SLC4A10: variants seen among roughly 807,000 people sequenced by gnomAD.
SLC4A10 encodes solute carrier family 4 member 10, also known as sodium-driven chloride bicarbonate exchanger.
SLC4A10 carries 42 observed loss-of-function variants against 137.7 expected under a neutral mutation model. That is an observed-to-expected ratio of 0.30 (90% CI 0.24 to 0.39). The LOEUF is 0.39. Among genes scored for constraint, SLC4A10 ranks in the 10% least tolerant of loss-of-function variants. The pLI, the probability that SLC4A10 is intolerant of heterozygous loss-of-function variation, is 1.00. For missense variants in SLC4A10, 925 were observed against 1,355.0 expected (o/e 0.68, Z 4.98); for synonymous variants, 474 against 464.1 (o/e 1.02, Z -0.27).
chr2:161,921,104 T>G (rs1170098771), intron 15 of SLC4A10, among the ~76,000 whole-genome samples: 1 of 152,192 alleles, frequency 6.6e-6, no homozygotes, highest in Admixed American at 6.5e-5. Context: ...AGAGAAGAAG[T>G]AACAGAGTGC....
chr2:161,642,052 T>C (rs1228568569), intron 1 of SLC4A10, among the ~76,000 whole-genome samples: 4 of 152,006 alleles, frequency 2.6e-5, no homozygotes, highest in Non-Finnish European at 4.4e-5. Flanking sequence ...TCACTATCTC[T>C]CCTAGCAATA....
At chr2:161,867,416 G>A (rs2125909001) in intron 6 of SLC4A10, among the ~76,000 whole-genome samples, 1 of 152,002 alleles carries the variant, frequency 6.6e-6, no homozygotes, top group Middle Eastern at 3.4e-3. Flanking sequence ...TAATTCTTGA[G>A]ATTGCTTGAA....
intron 3 of SLC4A10, among the ~76,000 whole-genome samples, chr2:161,834,266 C>G (rs2058621851): frequency 6.6e-6 from 1 of 152,120 alleles, no homozygotes; most frequent in African/African-American, 2.4e-5. Context: ...CCTGCAATTG[C>G]CCAAATGTAC....
chr2:161,830,099 T>C (rs953990173), intron 3 of SLC4A10, among the ~76,000 whole-genome samples: 6 of 150,134 alleles, frequency 4.0e-5, no homozygotes, highest in Non-Finnish European at 7.4e-5. Context: ...AAAATTGACA[T>C]AAGTGTGCTA....
intron 3 of SLC4A10, among the ~76,000 whole-genome samples, chr2:161,806,536 C>T (rs2055980109): frequency 6.6e-6 from 1 of 152,106 alleles, no homozygotes; most frequent in Non-Finnish European, 1.5e-5. Context: ...TTTCTTCTGC[C>T]AGATACCCTA....
At chr2:161,951,315 C>T (rs1381023926) in intron 19 of SLC4A10, among the ~76,000 whole-genome samples, 2 of 152,062 alleles carry the variant, frequency 1.3e-5, no homozygotes, top group African/African-American at 4.8e-5. Flanking sequence ...CAACAAAATC[C>T]AGACATAAAC....
At chr2:161,924,131 G>A (rs1326197156) in intron 15 of SLC4A10, among the ~76,000 whole-genome samples, 1 of 152,062 alleles carries the variant, frequency 6.6e-6, no homozygotes, top group Non-Finnish European at 1.5e-5. Flanking sequence ...TCTCCTCACA[G>A]TGCTATTTCC....
chr2:161,768,037 C>A (rs1179634008), intron 1 of SLC4A10, among the ~76,000 whole-genome samples: 1 of 152,022 alleles, frequency 6.6e-6, no homozygotes. Context: ...TTATTTACTT[C>A]TTTCCTAGCA....
intron 2 of SLC4A10, among the ~76,000 whole-genome samples, chr2:161,803,922 T>A (rs2055643181): frequency 6.6e-6 from 1 of 152,194 alleles, no homozygotes; most frequent in East Asian, 1.9e-4. Context: ...GTCGAAACTC[T>A]TGTGCCTTGG....
intron 3 of SLC4A10, among the ~76,000 whole-genome samples, chr2:161,837,302 A>T (rs2058879605): frequency 6.6e-6 from 1 of 152,194 alleles, no homozygotes; most frequent in Admixed American, 6.5e-5. Context: ...TCTCTACACT[A>T]GCATTAAAAA....
At chr2:161,738,353 C>T (rs1219766311) in intron 1 of SLC4A10, among the ~76,000 whole-genome samples, 10 of 152,154 alleles carry the variant, frequency 6.6e-5, no homozygotes, top group Admixed American at 5.2e-4. Context: ...TTGGGCAGGC[C>T]TCTGAACCAG....
chr2:161,836,162 C>T (rs1222220020), intron 3 of SLC4A10, among the ~76,000 whole-genome samples: 5 of 148,766 alleles, frequency 3.4e-5, no homozygotes, highest in Admixed American at 1.3e-4. Context: ...ATATCAGAAG[C>T]GAAGAGAAAG....
intron 26 of SLC4A10, among the ~76,000 whole-genome samples, chr2:161,982,444 C>T (rs115184315): frequency 6.6e-6 from 1 of 152,220 alleles, no homozygotes; most frequent in African/African-American, 2.4e-5. Flanking sequence ...ATGGTAGAGT[C>T]ACATGACCAG....
At chr2:161,741,648 T>C (rs779450807) in intron 1 of SLC4A10, among the ~76,000 whole-genome samples, 15 of 152,208 alleles carry the variant, frequency 9.9e-5, no homozygotes, top group Non-Finnish European at 2.9e-5. Context: ...TTGTCACAAA[T>C]GGCAGGATCT....
chr2:161,786,179 C>G (rs189034435), intron 2 of SLC4A10, among the ~76,000 whole-genome samples: 16 of 151,276 alleles, frequency 1.1e-4, no homozygotes, highest in African/African-American at 3.9e-4. Flanking sequence ...TAATGTTATT[C>G]TTTGTCTTTT....
intron 1 of SLC4A10, among the ~76,000 whole-genome samples, chr2:161,640,619 T>G (rs1558923385): frequency 7.1e-6 from 1 of 140,560 alleles, no homozygotes; most frequent in Non-Finnish European, 1.5e-5. Flanking sequence ...CTTCCTTCCT[T>G]CCTTCCTTCC....
chr2:161,953,582 T>G (rs372932739), intron 19 of SLC4A10, among the ~76,000 whole-genome samples: 20 of 151,766 alleles, frequency 1.3e-4, no homozygotes, highest in African/African-American at 4.6e-4. Flanking sequence ...CACCCTGGCC[T>G]GGGCGACAGG....
intron 15 of SLC4A10, among the ~76,000 whole-genome samples, chr2:161,910,946 A>T (rs947347731): frequency 3.3e-5 from 5 of 152,036 alleles, no homozygotes; most frequent in Non-Finnish European, 7.4e-5. Context: ...TAGTCCCAGC[A>T]TAATATTGTA....
intron 10 of SLC4A10, among the ~76,000 whole-genome samples, chr2:161,893,692 C>T (rs1334163161): frequency 2.0e-5 from 3 of 151,650 alleles, no homozygotes; most frequent in Non-Finnish European, 4.4e-5. Context: ...AGAGTGAGAC[C>T]CTGCCTCTAA....
Sources: allele counts gnomAD v4.1 joint callset (sites outside exome capture counted in the v4.1 genomes callset), GRCh38; gene constraint gnomAD v4.1.1; transcripts MANE v1.5; gene names NCBI Gene and HGNC (gene_info 2026-07-23, HGNC 2026-07-21).